The following CNGB3 variants were observed in gnomAD, a reference collection of about 807,000 sequenced individuals.
CNGB3 encodes the protein cyclic nucleotide-gated channel beta-3.
In CNGB3, 86 loss-of-function variants were observed where a neutral mutation model predicts 92.8. The ratio of observed to expected loss-of-function variants is 0.93; its 90% CI spans 0.78 to 1.11. The LOEUF (loss-of-function observed/expected upper bound fraction) is 1.11, where lower values mean the gene tolerates loss of function less well. CNGB3 is among the 50% of genes least tolerant of loss of function. The pLI, the probability that CNGB3 is intolerant of heterozygous loss-of-function variation, is 0.00. For missense variants in CNGB3, 1,026 were observed against 956.8 expected, an observed-to-expected ratio of 1.07 and a Z score of -0.95; for synonymous variants, 333 against 332.7, an observed-to-expected ratio of 1.00 and a Z score of -0.01.
intron 3 of CNGB3, among the ~76,000 whole-genome samples, chr8:86,689,708 C>T (rs574752193): frequency 5.9e-5 from 9 of 151,880 alleles, no homozygotes; most frequent in Non-Finnish European, 1.3e-4. Flanking sequence ...CTATCCCTCC[C>T]ACCTCCCCCA....
intron 3 of CNGB3, among the ~76,000 whole-genome samples, chr8:86,706,836 G>T (rs1443695145): frequency 1.3e-5 from 2 of 152,138 alleles, no homozygotes; most frequent in Admixed American, 6.5e-5. Flanking sequence ...TCTACTTCTT[G>T]TACTTGTGGA....
intron 2 of CNGB3, among the ~76,000 whole-genome samples, chr8:86,731,564 T>A (rs896354836): frequency 1.3e-5 from 2 of 152,170 alleles, no homozygotes; most frequent in Admixed American, 6.5e-5. Context: ...GGGACTTTTT[T>A]AAAACTGAGA....
intron 16 of CNGB3, 43 bp downstream of exon 16, chr8:86,579,063 A>G (rs775514745): frequency 6.2e-7 from 1 of 1,613,498 alleles, no homozygotes; most frequent in African/African-American, 1.3e-5. Context: ...TTACAAAGTA[A>G]AACCAACTCC....
chr8:86,643,773 C>T lies in CNGB3; in HGVS notation c.1156G>A (p.Val386Met). ...TACTCGTTTCCTTCCCCATCATACA[C>T]CCATCTAGTAGTGCCAATTCCTTCA... ...NYEGIGTTRW[V>M]YDGEGNEYLR... Residue 386 changes from valine (V) to methionine (M), a missense_variant, in exon 10 of 18, where the codon GTG becomes ATG. Coordinates refer to ENST00000320005, the MANE Select transcript of CNGB3 (RefSeq NM_019098.5). 1.2e-6 allele frequency: 2 copies of T among 1,605,518 alleles called. No individual in the cohort carries two copies. The highest frequency in any genetic ancestry group is 1.7e-6 in the Non-Finnish European group (2 of 1,175,024).
At chr8:86,705,961 C>G (rs1272523762) in intron 3 of CNGB3, among the ~76,000 whole-genome samples, 3 of 152,146 alleles carry the variant, frequency 2.0e-5, no homozygotes, top group African/African-American at 7.2e-5. Context: ...AACTTTTCAC[C>G]TGGTCATTGA....
At chr8:86,653,942 C>T (rs1408333176) in intron 7 of CNGB3, 70 bp downstream of exon 7, 2 of 1,039,314 alleles carry the variant, frequency 1.9e-6, no homozygotes, top group Admixed American at 1.7e-5. Context: ...TTATAGAAAT[C>T]TATAGATGGG....
intron 15 of CNGB3, among the ~76,000 whole-genome samples, chr8:86,591,649 C>G (rs1378970935): frequency 1.3e-5 from 2 of 152,214 alleles, no homozygotes; most frequent in Non-Finnish European, 2.9e-5. Flanking sequence ...AGTTAGGCTG[C>G]TCAGGGGTCA....
chr8:86,659,212 G>T (rs1032328803), intron 6 of CNGB3: 3 of 723,878 alleles, frequency 4.1e-6, no homozygotes, highest in Admixed American at 1.9e-5. Flanking sequence ...CTCTGCTACC[G>T]CATGGCCCTC....
In CNGB3 at chr8:86,687,412, C is replaced by T. The variant is rs573396436; in HGVS notation, c.339-16314G>A. Among the ~76,000 whole-genome samples the T allele has an allele frequency of 3.5e-3, 528 of 151,984 alleles. 3 individuals carry two copies. The highest frequency in any genetic ancestry group is 0.012 in the African/African-American group (513 of 41,492). Reference sequence around the variant, plus strand: ...ATGGATGAACCTAGAAAACATTATGCTAAGTGAAAGAAGCTAGACACAAAA... The same window carrying T: ...ATGGATGAACCTAGAAAACATTATGTTAAGTGAAAGAAGCTAGACACAAAA... On this transcript the variant is annotated intron_variant, in intron 3 of 17. Transcript: ENST00000320005.
intron 10 of CNGB3, 135 bp from the exon 11 acceptor site, chr8:86,633,028 G>A (rs1379953494): frequency 1.0e-5 from 8 of 762,400 alleles, no homozygotes; most frequent in African/African-American, 1.8e-5. Flanking sequence ...GACAGCACTG[G>A]CAAACAGCAT....
chr8:86,610,229 AAGGT>A (rs1331074508), intron 14 of CNGB3, among the ~76,000 whole-genome samples: 2 of 152,200 alleles, frequency 1.3e-5, no homozygotes, highest in South Asian at 2.1e-4. Context: ...CAGCACTAGA[AAGGT>A]AGGCCCCTAA....
chr8:86,676,070 A>G (rs1823961038), intron 3 of CNGB3, among the ~76,000 whole-genome samples: 1 of 152,186 alleles, frequency 6.6e-6, no homozygotes. Context: ...ACTCAATATT[A>G]TTAGTTTTAA....
At chr8:86,738,168 G>C (rs1310328518) in intron 2 of CNGB3, among the ~76,000 whole-genome samples, 3 of 150,974 alleles carry the variant, frequency 2.0e-5, no homozygotes, top group Non-Finnish European at 4.4e-5. Context: ...ATTTAACAAA[G>C]CATATTCTGT....
At chr8:86,690,571 C>G (rs1824291691) in intron 3 of CNGB3, among the ~76,000 whole-genome samples, 1 of 152,184 alleles carries the variant, frequency 6.6e-6, no homozygotes, top group Non-Finnish European at 1.5e-5. Flanking sequence ...ACTTAGATCC[C>G]ATTTGTCAAT....
intron 15 of CNGB3, among the ~76,000 whole-genome samples, chr8:86,600,613 T>C (rs1297748668): frequency 3.3e-5 from 5 of 149,758 alleles, no homozygotes; most frequent in East Asian, 1.9e-4. Flanking sequence ...CTTTTTTTTT[T>C]CTTTTTTTTT....
intron 8 of CNGB3, among the ~76,000 whole-genome samples, chr8:86,645,072 T>C (rs1006346384): frequency 1.6e-4 from 24 of 151,366 alleles, no homozygotes; most frequent in African/African-American, 5.8e-4. Context: ...ATTAAAGTTA[T>C]AAATAGATGT....
At chr8:86,618,143 T>C (rs1004639320) in intron 13 of CNGB3, among the ~76,000 whole-genome samples, 2 of 152,188 alleles carry the variant, frequency 1.3e-5, no homozygotes, top group Non-Finnish European at 2.9e-5. Context: ...ATGCCACTGC[T>C]GATCTGACAG....
chr8:86,679,926 GCCATCTACTAT>G (rs1377225154), intron 3 of CNGB3, among the ~76,000 whole-genome samples: 9 of 152,182 alleles, frequency 5.9e-5, no homozygotes, highest in African/African-American at 2.2e-4. Flanking sequence ...CAAGAAGGCA[GCCATCTACTAT>G]CCATCTACGA....
intron 6 of CNGB3, among the ~76,000 whole-genome samples, chr8:86,655,066 C>T (rs969748030): frequency 3.0e-4 from 45 of 151,806 alleles, no homozygotes; most frequent in African/African-American, 1.0e-3. Context: ...CCTCCTGCTT[C>T]CGAGTATCCT....
Sources: gnomAD v4.1 joint callset for allele counts (sites outside exome capture counted in the v4.1 genomes callset) on GRCh38, gnomAD v4.1.1 for gene constraint, MANE v1.5 for transcripts, NCBI Gene and HGNC (gene_info 2026-07-23, HGNC 2026-07-21) for gene names.